Variants in LAMA2 observed in about 807,000 individuals in gnomAD.
The protein encoded by LAMA2 is laminin subunit alpha-2.
A neutral mutation model predicts 364.8 loss-of-function variants in LAMA2; 269 were observed. The ratio of observed to expected loss-of-function variants is 0.74; its 90% confidence interval spans 0.67 to 0.82. The LOEUF is 0.82. Among genes scored for constraint, LAMA2 ranks in the 40% least tolerant of loss-of-function variants. The pLI is 0.00. For missense variants in LAMA2, 3,807 were observed against 3,873.2 expected (o/e 0.98, Z 0.45); for synonymous variants, 1,379 against 1,370.6 (o/e 1.01, Z -0.14).
chr6:129,478,866 C>CTT, intron 54 of LAMA2, 53 bp downstream of exon 54: 1 of 1,484,682 alleles, frequency 6.7e-7, no homozygotes, highest in Middle Eastern at 1.7e-4. Flanking sequence ...ATTTCACTTA[C>CTT]TTAGTGTGGC....
chr6:129,319,608 T>C (rs1033583825), intron 27 of LAMA2, among the ~76,000 whole-genome samples: 1 of 152,166 alleles, frequency 6.6e-6, no homozygotes, highest in African/African-American at 2.4e-5. Flanking sequence ...ATCACATTGT[T>C]TAAATAAATA....
At chr6:129,497,997 T>C (rs1464384136) in intron 58 of LAMA2, among the ~76,000 whole-genome samples, 1 of 152,190 alleles carries the variant, frequency 6.6e-6, no homozygotes, top group Non-Finnish European at 1.5e-5. Flanking sequence ...TAGAGGTAGA[T>C]AAGAGGCTGA....
intron 41 of LAMA2, among the ~76,000 whole-genome samples, chr6:129,430,075 G>A (rs1418560637): frequency 3.9e-5 from 6 of 152,190 alleles, no homozygotes; most frequent in Non-Finnish European, 8.8e-5. Context: ...CTATGACGGA[G>A]ATGGGAATGT....
intron 1 of LAMA2, among the ~76,000 whole-genome samples, chr6:128,897,983 C>T (rs2114405526): frequency 6.6e-6 from 1 of 152,296 alleles, no homozygotes; most frequent in Non-Finnish European, 1.5e-5. Context: ...TGCAATAGTG[C>T]TGTTGAGTGA....
intron 51 of LAMA2, among the ~76,000 whole-genome samples, chr6:129,466,763 G>A (rs563987110): frequency 6.6e-6 from 1 of 151,820 alleles, no homozygotes; most frequent in Admixed American, 6.6e-5. Flanking sequence ...TAGCCTACAC[G>A]AATGAATGTT....
intron 3 of LAMA2, among the ~76,000 whole-genome samples, chr6:129,078,891 G>A (rs994245396): frequency 6.6e-6 from 1 of 152,184 alleles, no homozygotes; most frequent in Non-Finnish European, 1.5e-5. Flanking sequence ...GAACCACACA[G>A]TATTTGTCCT....
intron 31 of LAMA2, among the ~76,000 whole-genome samples, chr6:129,351,344 A>G (rs1776843013): frequency 6.6e-6 from 1 of 152,224 alleles, no homozygotes; most frequent in Non-Finnish European, 1.5e-5. Flanking sequence ...ATCCAGTAGT[A>G]TTTAATCGAT....
At chr6:128,929,732 C>A (rs919619278) in intron 1 of LAMA2, 2 of 1,298,374 alleles carry the variant, frequency 1.5e-6, no homozygotes, top group Non-Finnish European at 2.2e-6. Flanking sequence ...CTTCCCAATT[C>A]TTGTACCAAT....
At chr6:128,920,359 T>C (rs1204342996) in intron 1 of LAMA2, among the ~76,000 whole-genome samples, 1 of 152,008 alleles carries the variant, frequency 6.6e-6, no homozygotes, top group East Asian at 1.9e-4. Flanking sequence ...GATTTCACCA[T>C]GTTGGCCATG....
intron 18 of LAMA2, among the ~76,000 whole-genome samples, chr6:129,285,686 A>G (rs1157258836): frequency 1.3e-5 from 2 of 152,172 alleles, no homozygotes; most frequent in Non-Finnish European, 2.9e-5. Flanking sequence ...ATGTGATCAT[A>G]AGCTCTGAAT....
chr6:129,459,856 C>A (rs187073154), intron 48 of LAMA2, among the ~76,000 whole-genome samples: 1 of 152,118 alleles, frequency 6.6e-6, no homozygotes, highest in African/African-American at 2.4e-5. Context: ...CACAAAAATT[C>A]CACATTACAG....
At chr6:129,090,810 G>A (rs1454726071) in intron 3 of LAMA2, among the ~76,000 whole-genome samples, 1 of 151,936 alleles carries the variant, frequency 6.6e-6, no homozygotes, top group Admixed American at 6.5e-5. Context: ...TCTTTTTTGG[G>A]GATGTTTCTG....
At chr6:129,187,495 A>G (rs1781295839) in intron 10 of LAMA2, among the ~76,000 whole-genome samples, 1 of 151,836 alleles carries the variant, frequency 6.6e-6, no homozygotes, top group Non-Finnish European at 1.5e-5. Context: ...TTACTCAAGT[A>G]TAGTTCTGTT....
intron 55 of LAMA2, among the ~76,000 whole-genome samples, chr6:129,483,066 CGAAA>C (rs1458049445): frequency 2.5e-4 from 14 of 55,654 alleles, no homozygotes; most frequent in East Asian, 4.9e-4. Context: ...GACTCCGACT[CGAAA>C]AAAAAAAAAA....
chr6:129,015,243 A>G (rs1055817367), intron 1 of LAMA2, among the ~76,000 whole-genome samples: 1 of 152,104 alleles, frequency 6.6e-6, no homozygotes, highest in Non-Finnish European at 1.5e-5. Flanking sequence ...ATACAGGTTT[A>G]GGCTGATCAA....
intron 51 of LAMA2, among the ~76,000 whole-genome samples, chr6:129,472,725 G>A (rs895105167): frequency 6.6e-6 from 1 of 151,880 alleles, no homozygotes; most frequent in Non-Finnish European, 1.5e-5. Flanking sequence ...CCACTTCCAT[G>A]TACAATCATA....
intron 1 of LAMA2, among the ~76,000 whole-genome samples, chr6:128,901,525 A>T (rs369875807): frequency 2.0e-5 from 3 of 152,252 alleles, no homozygotes; most frequent in East Asian, 3.8e-4. Flanking sequence ...TAGAAAGAGT[A>T]GTGAAACAGT....
intron 12 of LAMA2, among the ~76,000 whole-genome samples, chr6:129,210,398 G>A (rs1384538360): frequency 8.1e-6 from 1 of 123,566 alleles, no homozygotes; most frequent in Non-Finnish European, 1.6e-5. Context: ...CCACGCATGT[G>A]CACGCACACA....
chr6:129,056,074 C>T (rs1788462900), intron 2 of LAMA2, among the ~76,000 whole-genome samples: 1 of 152,162 alleles, frequency 6.6e-6, no homozygotes, highest in Admixed American at 6.5e-5. Context: ...CTCACAATTA[C>T]CTAAGAGCCA....
Sources: gnomAD v4.1 joint callset for allele counts (sites outside exome capture counted in the v4.1 genomes callset) on GRCh38, gnomAD v4.1.1 for gene constraint, MANE v1.5 for transcripts, NCBI Gene and HGNC (gene_info 2026-07-23, HGNC 2026-07-21) for gene names.